Variants in IL1RAPL1 observed in about 807,000 individuals in gnomAD.
IL1RAPL1 encodes the protein interleukin-1 receptor accessory protein-like 1.
A neutral mutation model predicts 48.4 loss-of-function variants in IL1RAPL1; 3 were observed. The observed-to-expected ratio is 0.06, with a 90% confidence interval of 0.03 to 0.16. The LOEUF is 0.16. Ranked by LOEUF, IL1RAPL1 falls within the 10% of genes least tolerant of loss-of-function variation. The pLI, the probability that IL1RAPL1 is intolerant of heterozygous loss-of-function variation, is 1.00. For missense variants in IL1RAPL1, 349 were observed against 530.6 expected, an observed-to-expected ratio of 0.66 and a Z score of 3.36; for synonymous variants, 185 against 187.7, an observed-to-expected ratio of 0.99 and a Z score of 0.12.
chrX:29,770,106 C>T (rs190174122), intron 6 of IL1RAPL1, among the ~76,000 whole-genome samples: 2 of 111,921 alleles, frequency 1.8e-5, no homozygotes, highest in African/African-American at 6.5e-5. Flanking sequence ...TCTTGCTTTT[C>T]TATATGACTG....
At chrX:29,850,156 G>T (rs1371939933) in intron 6 of IL1RAPL1, among the ~76,000 whole-genome samples, 1 of 112,193 alleles carries the variant, frequency 8.9e-6, no homozygotes, top group Non-Finnish European at 1.9e-5. Context: ...TTCAAATAAG[G>T]TCATCACATT....
chrX:29,268,584 A>C (rs1461575827), intron 2 of IL1RAPL1, among the ~76,000 whole-genome samples: 1 of 112,401 alleles, frequency 8.9e-6, no homozygotes, highest in Non-Finnish European at 1.9e-5. Context: ...AAGCCACCAC[A>C]CAGCCTTGGT....
intron 3 of IL1RAPL1, among the ~76,000 whole-genome samples, chrX:29,333,275 G>C (rs1236536601): frequency 1.8e-5 from 2 of 109,256 alleles, no homozygotes; most frequent in Non-Finnish European, 3.9e-5. Flanking sequence ...GCCGGGCGGG[G>C]GGCTGACCCC....
chrX:28,849,498 T>C lies in IL1RAPL1; in HGVS notation c.82+60073T>C, dbSNP rs763428802. Among the ~76,000 whole-genome samples the C allele has an allele frequency of 2.0e-4, 22 of 112,322 alleles. No homozygotes were observed. The South Asian group carries it at 8.1e-3, about 41-fold the overall frequency. ...AGTGCCATGTACCCACTTGAGCTTA[T>C]TTTTTAATTCTGATTTTTAAAAATA... On this transcript the variant is annotated intron_variant, in intron 2 of 10. Transcript: ENST00000378993.
chrX:29,770,129 T>A (rs1175076029), intron 6 of IL1RAPL1, among the ~76,000 whole-genome samples: 2 of 112,069 alleles, frequency 1.8e-5, no homozygotes, highest in East Asian at 5.6e-4. Flanking sequence ...ATTATTATGC[T>A]AGATGACAAC....
chrX:28,590,607 C>G (rs946161373), intron 1 of IL1RAPL1, among the ~76,000 whole-genome samples: 2 of 111,765 alleles, frequency 1.8e-5, no homozygotes, highest in African/African-American at 6.5e-5. Flanking sequence ...ACTCCTGATT[C>G]CTTCCTTCAG....
intron 2 of IL1RAPL1, among the ~76,000 whole-genome samples, chrX:29,073,410 TTCTTCAGCTC>T (rs1233125986): frequency 8.9e-6 from 1 of 111,868 alleles, no homozygotes; most frequent in Non-Finnish European, 1.9e-5. Flanking sequence ...TGCCAGACTA[TTCTTCAGCTC>T]TCTCGCTTTG....
At chrX:29,372,773 C>CTTTTTTTTTTTTTTTTTT (rs1160543169) in intron 3 of IL1RAPL1, among the ~76,000 whole-genome samples, 2 of 63,487 alleles carry the variant, frequency 3.2e-5, no homozygotes, top group African/African-American at 6.3e-5. Context: ...GTCTATGTGT[C>CTTTTTTTTTTTTTTTTTT]TTTTTTTTTT....
At chrX:29,313,960 A>G (rs1390334807) in intron 3 of IL1RAPL1, among the ~76,000 whole-genome samples, 2 of 112,489 alleles carry the variant, frequency 1.8e-5, no homozygotes, top group Admixed American at 9.4e-5. Context: ...TGTAAGACTG[A>G]TTGGAATCTT....
chrX:28,729,085 A>G lies in IL1RAPL1; in HGVS notation c.-24-60235A>G, dbSNP rs562920906. On this transcript the variant is annotated intron_variant, in intron 1 of 10. Coordinates refer to ENST00000378993, the MANE Select transcript of IL1RAPL1 (RefSeq NM_014271.4). ...TTTGCATGCTACTATGACTATAAAT[A>G]TATCATTTTAAACTTTAATTTGTGC... Among the ~76,000 whole-genome samples, 163 of 112,292 alleles carry G rather than the reference A, an allele frequency of 1.5e-3. No individual in the cohort carries two copies. The South Asian group carries it at 0.025, about 17-fold the overall frequency.
intron 6 of IL1RAPL1, among the ~76,000 whole-genome samples, chrX:29,725,484 G>C (rs1397522510): frequency 1.8e-5 from 2 of 111,324 alleles, no homozygotes; most frequent in Non-Finnish European, 3.8e-5. Context: ...TAGAACACAC[G>C]ATCGGCCTCC....
At chrX:29,810,194 AT>A (rs1286232197) in intron 6 of IL1RAPL1, among the ~76,000 whole-genome samples, 1 of 108,837 alleles carries the variant, frequency 9.2e-6, no homozygotes, top group African/African-American at 3.4e-5. Context: ...TTTTTATTTT[AT>A]TTTATTTCAT....
chrX:29,697,282 CTT>C (rs199970986), intron 6 of IL1RAPL1, among the ~76,000 whole-genome samples: 1,700 of 111,948 alleles, frequency 0.015, 36 homozygotes, highest in African/African-American at 0.053. Context: ...GGTTGTTTCT[CTT>C]TTAAAAATAA....
chrX:28,974,048 G>T (rs930844000), intron 2 of IL1RAPL1, among the ~76,000 whole-genome samples: 1 of 111,529 alleles, frequency 9.0e-6, no homozygotes, highest in Non-Finnish European at 1.9e-5. Context: ...ATATAATTTT[G>T]CTCAAACAAA....
chrX:29,124,442 T>C (rs1928860211), intron 2 of IL1RAPL1, among the ~76,000 whole-genome samples: 1 of 112,328 alleles, frequency 8.9e-6, no homozygotes, highest in South Asian at 3.6e-4. Flanking sequence ...AGCAAAGAGT[T>C]AACTATCAAC....
intron 5 of IL1RAPL1, among the ~76,000 whole-genome samples, chrX:29,475,834 G>GT (rs572921846): frequency 0.032 from 3,312 of 102,824 alleles, 137 homozygotes; most frequent in African/African-American, 0.1. Flanking sequence ...ACGTTATGAA[G>GT]TTTTTTTTTT....
At chrX:29,492,629 A>G (rs1009113425) in intron 5 of IL1RAPL1, among the ~76,000 whole-genome samples, 9 of 112,130 alleles carry the variant, frequency 8.0e-5, no homozygotes, top group Non-Finnish European at 1.5e-4. Context: ...AACTGCAGCT[A>G]GAAAAGATTA....
At chrX:29,547,643 C>G (rs1921670140) in intron 5 of IL1RAPL1, among the ~76,000 whole-genome samples, 1 of 110,740 alleles carries the variant, frequency 9.0e-6, no homozygotes, top group African/African-American at 3.3e-5. Context: ...TATCTAAACT[C>G]TAAATCTATA....
chrX:29,574,718 T>A (rs1195283344), intron 5 of IL1RAPL1, among the ~76,000 whole-genome samples: 1 of 111,818 alleles, frequency 8.9e-6, no homozygotes, highest in Non-Finnish European at 1.9e-5. Context: ...ACTTTTACCC[T>A]CTGCTACCCT....
Sources: allele counts gnomAD v4.1 joint callset (sites outside exome capture counted in the v4.1 genomes callset), GRCh38; gene constraint gnomAD v4.1.1; transcripts MANE v1.5; gene names NCBI Gene and HGNC (gene_info 2026-07-23, HGNC 2026-07-21).